Variants in RCAN2 observed in about 807,000 individuals in gnomAD.
RCAN2 encodes regulator of calcineurin 2, also known as calcipressin-2.
A neutral mutation model predicts 23.6 loss-of-function variants in RCAN2; 9 were observed. The observed-to-expected ratio is 0.38, with a 90% CI of 0.23 to 0.67. The LOEUF is 0.67. Ranked by LOEUF, RCAN2 falls within the 30% of genes least tolerant of loss-of-function variation. The pLI, the probability that RCAN2 is intolerant of heterozygous loss-of-function variation, is 0.51. For missense variants in RCAN2, 273 were observed against 302.3 expected, an observed-to-expected ratio of 0.90 and a Z score of 0.72; for synonymous variants, 109 against 115.7, an observed-to-expected ratio of 0.94 and a Z score of 0.37.
chr6:46,237,680 C>A (rs1582016105), intron 4 of RCAN2, among the ~76,000 whole-genome samples: 1 of 152,168 alleles, frequency 6.6e-6, no homozygotes, highest in African/African-American at 2.4e-5. Flanking sequence ...ACTTCTGGCC[C>A]CAAGCATTTT....
At chr6:46,225,002 A>C (rs904415170) in intron 4 of RCAN2, among the ~76,000 whole-genome samples, 7 of 144,074 alleles carry the variant, frequency 4.9e-5, no homozygotes, top group Non-Finnish European at 7.5e-5. Flanking sequence ...CTCATTGTTC[A>C]ATTCCCACCT....
At chr6:46,395,422 G>A (rs889995594) in intron 2 of RCAN2, among the ~76,000 whole-genome samples, 12 of 152,194 alleles carry the variant, frequency 7.9e-5, no homozygotes, top group African/African-American at 2.9e-4. Flanking sequence ...AACAACCCAT[G>A]TGTCTAAGGC....
intron 2 of RCAN2, among the ~76,000 whole-genome samples, chr6:46,321,259 T>A (rs1763604866): frequency 5.3e-5 from 8 of 152,242 alleles, no homozygotes. Flanking sequence ...CCCTCATCAC[T>A]AGCTGAAATT....
At chr6:46,421,450 G>C (rs1766888545) in intron 2 of RCAN2, among the ~76,000 whole-genome samples, 1 of 152,222 alleles carries the variant, frequency 6.6e-6, no homozygotes, top group South Asian at 2.1e-4. Context: ...ACTCAAGTGA[G>C]TGAAGTAATT....
At chr6:46,293,654 C>T (rs1442213) in intron 2 of RCAN2, among the ~76,000 whole-genome samples, 119,791 of 152,092 alleles carry the variant, frequency 0.79, 47,494 homozygotes, top group Non-Finnish European at 0.83. Flanking sequence ...ATCTGCTGGC[C>T]ATTAGGCCCT....
At chr6:46,394,662 AC>A (rs1270368893) in intron 2 of RCAN2, among the ~76,000 whole-genome samples, 1 of 152,146 alleles carries the variant, frequency 6.6e-6, no homozygotes, top group Admixed American at 6.6e-5. Flanking sequence ...TTTTGCTTTT[AC>A]CCTCAGTGAG....
chr6:46,482,402 A>T (rs893934464), intron 1 of RCAN2, among the ~76,000 whole-genome samples: 4 of 152,142 alleles, frequency 2.6e-5, no homozygotes, highest in Admixed American at 6.6e-5. Context: ...GGCTAAAGGT[A>T]AAGTCCCTAA....
At chr6:46,448,799 C>T (rs937035145) in intron 2 of RCAN2, among the ~76,000 whole-genome samples, 2 of 151,774 alleles carry the variant, frequency 1.3e-5, no homozygotes, top group African/African-American at 4.8e-5. Context: ...TAAAAATTCT[C>T]AACAATTTAG....
intron 2 of RCAN2, among the ~76,000 whole-genome samples, chr6:46,402,571 T>G (rs1766280291): frequency 6.6e-6 from 1 of 152,162 alleles, no homozygotes; most frequent in Non-Finnish European, 1.5e-5. Flanking sequence ...ACCTCCCTTA[T>G]TTGACTGTAG....
At chr6:46,299,068 T>A (rs912290337) in intron 2 of RCAN2, among the ~76,000 whole-genome samples, 7 of 151,972 alleles carry the variant, frequency 4.6e-5, no homozygotes, top group Admixed American at 1.3e-4. Flanking sequence ...CACAGGGACA[T>A]AATGATGGGA....
intron 4 of RCAN2, among the ~76,000 whole-genome samples, chr6:46,242,552 A>T: frequency 6.6e-6 from 1 of 152,124 alleles, no homozygotes; most frequent in Non-Finnish European, 1.5e-5. Flanking sequence ...CATTCCTCTA[A>T]TGCAAAACTC....
At chr6:46,282,387 A>C (rs1308155644) in intron 2 of RCAN2, among the ~76,000 whole-genome samples, 1 of 151,964 alleles carries the variant, frequency 6.6e-6, no homozygotes, top group Non-Finnish European at 1.5e-5. Context: ...CTACTAAAAA[A>C]AAAAAACAAA....
chr6:46,412,388 G>T (rs139628126), intron 2 of RCAN2, among the ~76,000 whole-genome samples: 382 of 152,242 alleles, frequency 2.5e-3, no homozygotes, highest in African/African-American at 8.5e-3. Context: ...GAGTTCTGGG[G>T]TATAGTTGAG....
At chr6:46,225,173 A>G (rs1765619629) in intron 4 of RCAN2, among the ~76,000 whole-genome samples, 2 of 152,158 alleles carry the variant, frequency 1.3e-5, no homozygotes, top group African/African-American at 4.8e-5. Flanking sequence ...TTCTTAATCC[A>G]GTCTATCATT....
chr6:46,384,853 AT>A (rs1283498159), intron 2 of RCAN2, among the ~76,000 whole-genome samples: 1 of 152,218 alleles, frequency 6.6e-6, no homozygotes, highest in Non-Finnish European at 1.5e-5. Flanking sequence ...TGTGAGGCAA[AT>A]GGATATATAC....
At chr6:46,472,817 G>A (rs1768605775) in intron 1 of RCAN2, among the ~76,000 whole-genome samples, 1 of 152,118 alleles carries the variant, frequency 6.6e-6, no homozygotes, top group African/African-American at 2.4e-5. Flanking sequence ...GAACTTGGAG[G>A]ACATACCAAC....
At chr6:46,353,424 C>T (rs1258391648) in intron 2 of RCAN2, among the ~76,000 whole-genome samples, 1 of 152,128 alleles carries the variant, frequency 6.6e-6, no homozygotes, top group African/African-American at 2.4e-5. Flanking sequence ...GTGGGAGCAA[C>T]TGGAATCTGA....
At chr6:46,382,697 T>A (rs527498729) in intron 2 of RCAN2, among the ~76,000 whole-genome samples, 1 of 152,326 alleles carries the variant, frequency 6.6e-6, no homozygotes, top group East Asian at 1.9e-4. Flanking sequence ...TGTTTAAGAA[T>A]AATAAGATTA....
intron 2 of RCAN2, among the ~76,000 whole-genome samples, chr6:46,373,954 C>T (rs1021392983): frequency 1.3e-5 from 2 of 152,164 alleles, no homozygotes; most frequent in African/African-American, 4.8e-5. Context: ...CACAACATCC[C>T]TAAGATTCTA....
Sources: gnomAD v4.1 joint callset for allele counts (sites outside exome capture counted in the v4.1 genomes callset) on GRCh38, gnomAD v4.1.1 for gene constraint, MANE v1.5 for transcripts, NCBI Gene and HGNC (gene_info 2026-07-23, HGNC 2026-07-21) for gene names.